The following GALNT13 variants were observed in gnomAD, a reference collection of about 807,000 sequenced individuals.
The protein encoded by GALNT13 is polypeptide N-acetylgalactosaminyltransferase 13.
Under a neutral mutation model 64.2 loss-of-function variants are expected in GALNT13, and 28 were observed. The observed-to-expected ratio is 0.44, with a 90% confidence interval of 0.32 to 0.60. The LOEUF (loss-of-function observed/expected upper bound fraction) is 0.60, where lower values mean the gene tolerates loss of function less well. Ranked by LOEUF, GALNT13 falls within the 20% of genes least tolerant of loss-of-function variation. The pLI is 0.05. For synonymous variants in GALNT13, 214 were observed against 224.6 expected (o/e 0.95, Z 0.42); for missense variants, 577 against 669.8 (o/e 0.86, Z 1.53).
At chr2:153,389,680 T>C in the GALNT13 span, among the ~76,000 whole-genome samples, 2 of 152,060 alleles carry the variant, frequency 1.3e-5, no homozygotes, top group African/African-American at 2.4e-5. Flanking sequence ...GCCTTGGTGA[T>C]GGTAGAAGTT....
chr2:154,052,695 T>C (rs2105349937), intron 3 of GALNT13, among the ~76,000 whole-genome samples: 1 of 151,964 alleles, frequency 6.6e-6, no homozygotes. Context: ...GATTGTTGAC[T>C]GAATGGACAC....
At chr2:153,263,836 TAAA>T in the GALNT13 span, among the ~76,000 whole-genome samples, 2 of 152,078 alleles carry the variant, frequency 1.3e-5, no homozygotes, top group Non-Finnish European at 2.9e-5. Flanking sequence ...GCAAAAACTA[TAAA>T]AATCCTAGAA....
intron 1 of GALNT13, among the ~76,000 whole-genome samples, chr2:153,872,626 G>A (rs76758829): frequency 0.49 from 64,947 of 131,472 alleles, 22,303 homozygotes; most frequent in Admixed American, 0.65. Flanking sequence ...TGGCGGGGGG[G>A]GGGGGGGGAG....
At chr2:153,552,594 TTTTTTTG>T in the GALNT13 span, among the ~76,000 whole-genome samples, 1 of 147,498 alleles carries the variant, frequency 6.8e-6, no homozygotes, top group African/African-American at 2.6e-5. Context: ...TTTTTTTTTT[TTTTTTTG>T]GCAGCACAAC....
intron 9 of GALNT13, among the ~76,000 whole-genome samples, chr2:154,378,704 T>G (rs1395835390): frequency 6.6e-6 from 1 of 152,000 alleles, no homozygotes. Flanking sequence ...CTGCTTCTAT[T>G]AAATTTTTTT....
At chr2:153,782,407 TG>T in the GALNT13 span, among the ~76,000 whole-genome samples, 1 of 152,180 alleles carries the variant, frequency 6.6e-6, no homozygotes, top group Admixed American at 6.5e-5. Flanking sequence ...GTTCAGTTCC[TG>T]TAATGAATAC....
At chr2:154,343,561 T>G (rs1695892432) in intron 9 of GALNT13, among the ~76,000 whole-genome samples, 1 of 152,062 alleles carries the variant, frequency 6.6e-6, no homozygotes, top group Admixed American at 6.6e-5. Flanking sequence ...TGTTTGAAAC[T>G]TACATCAAGT....
At chr2:153,768,932 G>A in the GALNT13 span, among the ~76,000 whole-genome samples, 2 of 152,026 alleles carry the variant, frequency 1.3e-5, no homozygotes, top group African/African-American at 4.8e-5. Context: ...GCTCATTTCT[G>A]TTCTTCATTT....
At chr2:153,478,982 T>C in the GALNT13 span, among the ~76,000 whole-genome samples, 1 of 152,226 alleles carries the variant, frequency 6.6e-6, no homozygotes, top group African/African-American at 2.4e-5. Flanking sequence ...GGGGCGAACC[T>C]GGTCTTGCTT....
intron 3 of GALNT13, among the ~76,000 whole-genome samples, chr2:153,973,112 C>T (rs1300476449): frequency 1.3e-5 from 2 of 151,596 alleles, no homozygotes; most frequent in Non-Finnish European, 3.0e-5. Context: ...TTCATAGCCC[C>T]TTTTTTTTCC....
intron 2 of GALNT13, among the ~76,000 whole-genome samples, chr2:153,906,101 A>G (rs1688540865): frequency 6.6e-6 from 1 of 151,882 alleles, no homozygotes; most frequent in African/African-American, 2.4e-5. Flanking sequence ...ACAGTTGACG[A>G]TGAGTAACTG....
the GALNT13 span, among the ~76,000 whole-genome samples, chr2:153,550,648 G>A: frequency 6.6e-6 from 1 of 152,164 alleles, no homozygotes; most frequent in Non-Finnish European, 1.5e-5. Flanking sequence ...CACATCTTGA[G>A]TGCCTACTAA....
chr2:154,110,946 A>C (rs1407985893), intron 3 of GALNT13, among the ~76,000 whole-genome samples: 1 of 152,242 alleles, frequency 6.6e-6, no homozygotes, highest in Non-Finnish European at 1.5e-5. Flanking sequence ...ACTATTACAT[A>C]AAGTTAGCAA....
intron 9 of GALNT13, among the ~76,000 whole-genome samples, chr2:154,394,849 C>A (rs1455147458): frequency 2.0e-5 from 3 of 152,166 alleles, no homozygotes; most frequent in Admixed American, 6.5e-5. Context: ...GCTTCAGCAT[C>A]AGAATGCTTT....
At chr2:154,033,015 C>T (rs1034067253) in intron 3 of GALNT13, among the ~76,000 whole-genome samples, 2 of 151,682 alleles carry the variant, frequency 1.3e-5, no homozygotes, top group African/African-American at 4.8e-5. Flanking sequence ...GCGAAAGATA[C>T]AGTCACAGAA....
Position 154,298,598 on chromosome 2 carries a change from AATGTATATATTAATTT to A in GALNT13, c.976-2808_976-2793del, listed in dbSNP as rs1693137176. ...AATTGTATATATAATTTATATATAC[AATGTATATATTAATTT>A]ATATATACATTGTATATATAATTTA... On this transcript the variant is annotated intron_variant, in intron 8 of 12. Transcript: ENST00000392825. Among the ~76,000 whole-genome samples the A allele has an allele frequency of 3.6e-3, 11 of 3,080 alleles. 3 individuals carry two copies. Among genetic ancestry groups the A allele is most frequent in the African/African-American group, 4.5e-3 (11 of 2,452 alleles). 2.0% of individuals were successfully genotyped at this position (3,080 alleles called of 152,430 possible). A position where few individuals can be genotyped will look rare whatever the true frequency, so the allele number is the denominator to read the frequency against.
At chr2:153,248,055 T>G in the GALNT13 span, among the ~76,000 whole-genome samples, 86 of 152,280 alleles carry the variant, frequency 5.6e-4, 1 homozygote, top group South Asian at 0.017. Flanking sequence ...AGTTCTGAAA[T>G]TCAGGCAGTA....
At chr2:153,434,661 T>G in the GALNT13 span, among the ~76,000 whole-genome samples, 1 of 152,240 alleles carries the variant, frequency 6.6e-6, no homozygotes, top group Non-Finnish European at 1.5e-5. Context: ...CTTTGCCCAC[T>G]TTTTGATGGG....
chr2:154,142,174 G>T (rs1449230019), intron 4 of GALNT13, among the ~76,000 whole-genome samples: 2 of 151,912 alleles, frequency 1.3e-5, no homozygotes, highest in Admixed American at 1.3e-4. Context: ...ACCTCTAGTG[G>T]GCTACATTAC....
Sources: allele counts gnomAD v4.1 joint callset (sites outside exome capture counted in the v4.1 genomes callset), GRCh38; gene constraint gnomAD v4.1.1; transcripts MANE v1.5; gene names NCBI Gene and HGNC (gene_info 2026-07-23, HGNC 2026-07-21).